The following PASK variants were observed in gnomAD, a reference collection of about 807,000 sequenced individuals.
The protein encoded by PASK is PAS domain containing serine/threonine kinase.
Under a neutral mutation model 121.0 loss-of-function variants are expected in PASK, and 110 were observed. That is an observed-to-expected ratio of 0.91 (90% CI 0.78 to 1.06). PASK has a LOEUF of 1.06. PASK is among the 50% of genes least tolerant of loss of function. PASK has a pLI of 0.00. For missense variants in PASK, 1,643 were observed against 1,702.3 expected, an observed-to-expected ratio of 0.97 and a Z score of 0.61; for synonymous variants, 686 against 717.8, an observed-to-expected ratio of 0.96 and a Z score of 0.71.
rs2125440888 is a variant in PASK at position 241,132,980 on chromosome 2, C to T, written c.1357G>A (p.Glu453Lys). The change falls in exon 9 of 18, where the codon GAG becomes AAG. Residue 453 changes from glutamate (E) to lysine (K), a missense_variant. By Grantham distance (56) the Glu-to-Lys change is moderately conservative. This residue lies in a region of PASK where 1,176 missense variants were observed against 1,162.2 expected (regional missense o/e 1.01). Coordinates refer to ENST00000234040, the MANE Select transcript of PASK (RefSeq NM_015148.4). Reference sequence around the variant, plus strand: ...TGGCTTTCCATCAGCTTCCGGATCTCATCTCGGGGCACAACGTGGCCACCA... The same window carrying T: ...TGGCTTTCCATCAGCTTCCGGATCTTATCTCGGGGCACAACGTGGCCACCA... ...LAGGHVVPRDEIRKLMESQDI... is the reference protein window; with the variant it reads ...LAGGHVVPRDKIRKLMESQDI... 1.9e-6 allele frequency: 3 copies of T among 1,614,116 alleles called. No homozygotes were observed. The highest frequency in any genetic ancestry group is 2.5e-6 in the Non-Finnish European group (3 of 1,179,954).
intron 4 of PASK, 87 bp downstream of exon 4, chr2:241,139,798 G>T: frequency 7.8e-7 from 1 of 1,286,734 alleles, no homozygotes; most frequent in Non-Finnish European, 1.1e-6. Context: ...ACCCCCAGCA[G>T]AGCTCCTGGT....
At chr2:241,139,806 G>T in intron 4 of PASK, 79 bp downstream of exon 4, 1 of 1,358,970 alleles carries the variant, frequency 7.4e-7, no homozygotes, top group Non-Finnish European at 1.0e-6. Context: ...CAGAGCTCCT[G>T]GTAGGGAACA....
Position 241,149,428 on chromosome 2 carries a change from G to A in PASK, c.-57C>T. On this transcript the variant is annotated 5_prime_UTR_variant, in exon 1 of 18. Transcript: ENST00000234040. ...AGGTATCTCACCTGGATCAGGCGAG[G>A]GTCACGCCAAGCCGGCTACACACCA... 2 of 546,244 alleles carry A rather than the reference G, an allele frequency of 3.7e-6. No individual in the cohort carries two copies. Among genetic ancestry groups the A allele is most frequent in the Non-Finnish European group, 3.3e-6 (1 of 307,034 alleles). 33.8% of individuals were successfully genotyped at this position (546,244 alleles called of 1,614,324 possible).
chr2:241,114,505 C>A, intron 14 of PASK: 2 of 1,000,072 alleles, frequency 2.0e-6, no homozygotes, highest in Non-Finnish European at 2.4e-6. Context: ...TGCTAGGGTG[C>A]CTTCCTATTT....
rs1344764319 is a variant in PASK, at chr2:241,140,627, C to A, written c.323G>T (p.Cys108Phe). Residue 108 changes from cysteine (C) to phenylalanine (F), a missense_variant, in exon 3 of 18, where the codon TGC becomes TTC. Around this residue, in one of 3 missense-constraint regions of PASK, gnomAD observed 1,176 missense variants for 1,162.2 expected, o/e 1.01. Transcript: ENST00000234040. ...TGAGGACAGTCCCCGCAGCAGGGAG[C>A]AGCAGGACACACTGCCCCGCGGTTC... ...PSEPRGSVSCCSLLRGLSSGW... is the reference protein window; with the variant it reads ...PSEPRGSVSCFSLLRGLSSGW... 6.2e-7 allele frequency: 1 copy of A among 1,614,124 alleles called. No individual in the cohort carries two copies. Among genetic ancestry groups the A allele is most frequent in the African/African-American group, 1.3e-5 (1 of 75,046 alleles).
At position 241,127,214 on chromosome 2, in the gene PASK, C is replaced by G. The variant is rs139552017; in HGVS notation, c.1701G>C (p.Leu567=). 1 of 1,614,260 alleles carries G rather than the reference C, an allele frequency of 6.2e-7. No individual in the cohort carries two copies. Among genetic ancestry groups the G allele is most frequent in the Non-Finnish European group, 8.5e-7 (1 of 1,180,040 alleles). Residue 567 remains leucine, a synonymous_variant, in exon 10 of 18, where the codon CTG becomes CTC. Transcript: ENST00000234040. ...TCCGCTCTAGCTGGGCCTTCTGACACAGGCCACACATGCCAGCATCACTGC... is the reference window on the plus strand; with the variant it reads ...TCCGCTCTAGCTGGGCCTTCTGACAGAGGCCACACATGCCAGCATCACTGC... ...DGGSDAGMCG[L]CQKAQLERMG... is the part of the protein sequence containing the mutation.
At chr2:241,111,130 C>T (rs1413664578) in intron 15 of PASK, among the ~76,000 whole-genome samples, 1 of 152,208 alleles carries the variant, frequency 6.6e-6, no homozygotes, top group Non-Finnish European at 1.5e-5. Context: ...CTCCTCTCCC[C>T]AATGCTGAGG....
At chr2:241,146,346 GATTTAT>G (rs1322891603) in intron 1 of PASK, among the ~76,000 whole-genome samples, 8 of 152,242 alleles carry the variant, frequency 5.3e-5, no homozygotes, top group Admixed American at 2.0e-4. Context: ...TTTTCACTTA[GATTTAT>G]ATTTCAGAGA....
At chr2:241,116,415 T>C (rs1293528106) in intron 12 of PASK, among the ~76,000 whole-genome samples, 6 of 152,166 alleles carry the variant, frequency 3.9e-5, no homozygotes. Flanking sequence ...GAGGGAGCCA[T>C]AACCTGGGCT....
In PASK at chr2:241,127,255, G is replaced by A. The variant is rs750542511; in HGVS notation, c.1660C>T (p.Pro554Ser). The change falls in exon 10 of 18, where the codon CCA becomes TCA. Residue 554 changes from proline (P) to serine (S), a missense_variant. Pro to Ser is a moderately conservative substitution (Grantham distance 74). Around this residue, in one of 3 missense-constraint regions of PASK, gnomAD observed 1,176 missense variants for 1,162.2 expected, o/e 1.01. Transcript: ENST00000234040. ...GCATCACTGCCCCCATCCTCAGCTG[G>A]GACTGGAGCTTCAGAATCTTCGCAG... ...ASCEDSEAPV[P>S]AEDGGSDAGM... The A allele has an allele frequency of 1.5e-5, 24 of 1,614,216 alleles. No homozygotes were observed. In the Admixed American group the frequency reaches 3.5e-4, roughly 24 times the overall value.
intron 9 of PASK, among the ~76,000 whole-genome samples, chr2:241,131,297 C>T (rs1051983844): frequency 5.9e-5 from 9 of 152,076 alleles, no homozygotes; most frequent in Admixed American, 1.3e-4. Context: ...TACAGGCGCC[C>T]GCCACCATGC....
chr2:241,137,271 G>C lies in PASK; in HGVS notation c.877-7C>G, dbSNP rs1203111416. 5 of 1,612,626 alleles carry C rather than the reference G, an allele frequency of 3.1e-6. No individual in the cohort carries two copies. In the South Asian group the frequency reaches 5.5e-5, roughly 18 times the overall value. On this transcript the variant is annotated splice_polypyrimidine_tract_variant and splice_region_variant and intron_variant, in intron 6 of 17. Coordinates refer to ENST00000234040, the MANE Select transcript of PASK (RefSeq NM_015148.4). ...ACCTCTGAATCTTGAGATTCTGAAA[G>C]AAAGGCTTGTCGTTTGGCTTAAGCC...
upstream of PASK, chr2:241,149,925 G>A: frequency 7.0e-7 from 1 of 1,430,576 alleles, no homozygotes; most frequent in Non-Finnish European, 9.1e-7. Context: ...CTGCCCGCCT[G>A]CTCCGAGCGT....
At chr2:241,138,158 T>C in intron 5 of PASK, 71 bp from the exon 6 acceptor site, 4 of 1,544,334 alleles carry the variant, frequency 2.6e-6, no homozygotes, top group Non-Finnish European at 3.5e-6. Flanking sequence ...TAAGCTTCAA[T>C]ATGTTCAAGC....
rs145218970 is a variant in PASK at position 241,138,630 on chromosome 2, C to T, written c.741+24G>A. On this transcript the variant is annotated intron_variant, in intron 5 of 17. Coordinates refer to ENST00000234040, the MANE Select transcript of PASK (RefSeq NM_015148.4). Reference sequence around the variant, plus strand: ...GACGCCGGCTCCAGCGTCCATGAGACATGAGGCAAAGTTGCACACTCACAT... The same window carrying T: ...GACGCCGGCTCCAGCGTCCATGAGATATGAGGCAAAGTTGCACACTCACAT... The T allele has an allele frequency of 2.0e-3, 3,165 of 1,613,608 alleles. 36 individuals are homozygous for T. The highest frequency in any genetic ancestry group is 2.1e-3 in the South Asian group (190 of 91,084).
intron 11 of PASK, 148 bp from the exon 12 acceptor site, chr2:241,123,047 A>C (rs2065689250): frequency 1.4e-6 from 1 of 695,176 alleles, no homozygotes; most frequent in Non-Finnish European, 2.4e-6. Flanking sequence ...GCTCTCAGAC[A>C]GGTCTGAAAG....
intron 1 of PASK, among the ~76,000 whole-genome samples, chr2:241,144,983 G>A (rs547975173): frequency 6.6e-5 from 10 of 152,130 alleles, no homozygotes; most frequent in Non-Finnish European, 8.8e-5. Context: ...GCGCGACTTC[G>A]GCTCACTGCA....
At chr2:241,116,779 G>C (rs1411881868) in intron 12 of PASK, among the ~76,000 whole-genome samples, 1 of 152,230 alleles carries the variant, frequency 6.6e-6, no homozygotes, top group Non-Finnish European at 1.5e-5. Context: ...GTGGGTGTCG[G>C]CACGCAGCTG....
chr2:241,150,224 C>G (rs561142620), upstream of PASK: 1 of 1,279,298 alleles, frequency 7.8e-7, no homozygotes, highest in South Asian at 2.6e-5. Flanking sequence ...CGGCTCTGTG[C>G]GTCCCGCTTC....
Sources: allele counts gnomAD v4.1 joint callset (sites outside exome capture counted in the v4.1 genomes callset), GRCh38; gene constraint gnomAD v4.1.1; regional missense constraint gnomAD v4.1.1; transcripts MANE v1.5; gene names NCBI Gene and HGNC (gene_info 2026-07-23, HGNC 2026-07-21).